Variants in GMDS observed in about 807,000 individuals in gnomAD.
GMDS encodes GDP-mannose 4,6-dehydratase.
A neutral mutation model predicts 49.9 loss-of-function variants in GMDS; 20 were observed. That is an observed-to-expected ratio of 0.40 (90% CI 0.28 to 0.58). The LOEUF (loss-of-function observed/expected upper bound fraction) is 0.58. Among genes scored for constraint, GMDS ranks in the 20% least tolerant of loss-of-function variants. The pLI is 0.42. For synonymous variants in GMDS, 177 were observed against 178.6 expected (o/e 0.99, Z 0.07); for missense variants, 362 against 481.4 (o/e 0.75, Z 2.32).
intron 8 of GMDS, among the ~76,000 whole-genome samples, chr6:1,736,788 G>A (rs1315028431): frequency 2.0e-5 from 3 of 152,200 alleles, no homozygotes; most frequent in Non-Finnish European, 2.9e-5. Flanking sequence ...ACCCTTAGAA[G>A]TATGGCTCAT....
At chr6:2,203,601 T>A (rs1364718787) in intron 1 of GMDS, among the ~76,000 whole-genome samples, 1 of 152,218 alleles carries the variant, frequency 6.6e-6, no homozygotes, top group African/African-American at 2.4e-5. Context: ...CCAGATTTTT[T>A]AAATAACTTT....
chr6:2,124,662 G>T, intron 2 of GMDS, 25 bp downstream of exon 2: 2 of 1,602,064 alleles, frequency 1.2e-6, no homozygotes. Flanking sequence ...ACCAGCCTGC[G>T]CCCGCTTCCC....
chr6:1,795,123 C>A (rs1242555173), intron 7 of GMDS, among the ~76,000 whole-genome samples: 1 of 152,156 alleles, frequency 6.6e-6, no homozygotes, highest in Admixed American at 6.5e-5. Context: ...TCACTTGAGT[C>A]CGGGAGGCAG....
intron 4 of GMDS, among the ~76,000 whole-genome samples, chr6:1,977,782 G>A (rs1764992123): frequency 6.6e-6 from 1 of 152,180 alleles, no homozygotes. Context: ...GTGAGCCCAT[G>A]CTACCAGGGC....
intron 8 of GMDS, 101 bp from the exon 9 acceptor site, chr6:1,726,613 C>G: frequency 1.2e-6 from 1 of 815,416 alleles, no homozygotes; most frequent in African/African-American, 1.7e-5. Flanking sequence ...CGCAGGAGCG[C>G]TTAAGCTCAT....
intron 7 of GMDS, among the ~76,000 whole-genome samples, chr6:1,860,455 G>T (rs1399806810): frequency 6.6e-6 from 1 of 152,176 alleles, no homozygotes; most frequent in African/African-American, 2.4e-5. Flanking sequence ...TATAAGGTGG[G>T]GGCTGGGGAG....
At chr6:1,647,202 A>C (rs904970666) in intron 9 of GMDS, among the ~76,000 whole-genome samples, 1 of 152,206 alleles carries the variant, frequency 6.6e-6, no homozygotes, top group African/African-American at 2.4e-5. Context: ...TGTGGCTTTA[A>C]AGTGGTTTCT....
At chr6:2,141,538 T>C (rs1014891753) in intron 1 of GMDS, among the ~76,000 whole-genome samples, 4 of 152,204 alleles carry the variant, frequency 2.6e-5, no homozygotes, top group African/African-American at 4.8e-5. Context: ...GCCCACCTCC[T>C]GAATTTCAGC....
intron 4 of GMDS, among the ~76,000 whole-genome samples, chr6:2,035,964 G>A (rs2127422040): frequency 6.6e-6 from 1 of 152,264 alleles, no homozygotes; most frequent in East Asian, 1.9e-4. Context: ...TGGGATTACA[G>A]GTATGAGCCA....
At chr6:2,242,644 A>G (rs910807181) in intron 1 of GMDS, among the ~76,000 whole-genome samples, 1 of 152,222 alleles carries the variant, frequency 6.6e-6, no homozygotes, top group African/African-American at 2.4e-5. Flanking sequence ...TCTCTGTCTC[A>G]TAAGGCTCAC....
chr6:2,206,803 G>T (rs1195935919), intron 1 of GMDS, among the ~76,000 whole-genome samples: 1 of 152,170 alleles, frequency 6.6e-6, no homozygotes, highest in East Asian at 1.9e-4. Context: ...GGGAACCACT[G>T]CTTTAAAGTA....
rs956635136 is a variant in GMDS, at chr6:2,193,493, G to C, written c.102+51828C>G. 2.6e-5 allele frequency among the ~76,000 whole-genome samples: 4 copies of C among 152,190 alleles called. No individual in the cohort carries two copies. The South Asian group carries it at 8.3e-4, about 32-fold the overall frequency. On this transcript the variant is annotated intron_variant, in intron 1 of 10. Transcript: ENST00000380815. ...TCTGAGCAGTTCCTCCACACCCTAG[G>C]CAGCAGGGTCTCCACATCTGAATAC...
In GMDS at chr6:2,069,114, G is replaced by A. The variant is rs372086544; in HGVS notation, c.345+46657C>T. 5.5e-3 allele frequency among the ~76,000 whole-genome samples: 834 copies of A among 152,078 alleles called. 4 individuals carry two copies. Among genetic ancestry groups the A allele is most frequent in the Non-Finnish European group, 9.3e-3 (632 of 67,976 alleles). On this transcript the variant is annotated intron_variant, in intron 4 of 10. Transcript: ENST00000380815. ...ACAGAGCCCTCAGGAATAACGTCGCGTATCTAAAACTATCTGATCTTTGAC... is the reference window on the plus strand; with the variant it reads ...ACAGAGCCCTCAGGAATAACGTCGCATATCTAAAACTATCTGATCTTTGAC...
chr6:1,839,558 T>C lies in GMDS; in HGVS notation c.771+90545A>G, dbSNP rs187628646. On this transcript the variant is annotated intron_variant, in intron 7 of 10. Coordinates refer to ENST00000380815, the MANE Select transcript of GMDS (RefSeq NM_001500.4). ...ATTTAACCCCTGACCCTTAAATATT[T>C]ACCAGCTTTTAAACTGGTTGTGTAC... is the stretch of plus-strand genomic sequence containing the variant. Among the ~76,000 whole-genome samples the C allele has an allele frequency of 3.3e-5, 5 of 152,346 alleles. No individual in the cohort carries two copies. The East Asian group carries it at 5.8e-4, about 18-fold the overall frequency.
At chr6:2,138,958 C>T (rs923685938) in intron 1 of GMDS, among the ~76,000 whole-genome samples, 20 of 152,318 alleles carry the variant, frequency 1.3e-4, no homozygotes, top group African/African-American at 4.6e-4. Flanking sequence ...TCTGTACTCA[C>T]TCCGCAACAG....
intron 7 of GMDS, among the ~76,000 whole-genome samples, chr6:1,809,063 A>G (rs953156348): frequency 6.6e-6 from 1 of 152,208 alleles, no homozygotes; most frequent in Non-Finnish European, 1.5e-5. Context: ...ACTTTCCATG[A>G]ACACATCTGG....
intron 9 of GMDS, among the ~76,000 whole-genome samples, chr6:1,693,125 G>C (rs1482280987): frequency 6.6e-6 from 1 of 152,196 alleles, no homozygotes; most frequent in African/African-American, 2.4e-5. Flanking sequence ...AGACCCTTCC[G>C]AACACCCTAC....
At chr6:1,994,574 G>C (rs1407816685) in intron 4 of GMDS, among the ~76,000 whole-genome samples, 1 of 152,094 alleles carries the variant, frequency 6.6e-6, no homozygotes. Context: ...AGGAACCCAT[G>C]ATATATCTGG....
chr6:1,761,020 A>C (rs1336103171), intron 7 of GMDS, among the ~76,000 whole-genome samples: 8 of 152,174 alleles, frequency 5.3e-5, no homozygotes, highest in African/African-American at 9.7e-5. Context: ...GTAACATTTG[A>C]GTGTAGTGAT....
Sources: gnomAD v4.1 joint callset for allele counts (sites outside exome capture counted in the v4.1 genomes callset) on GRCh38, gnomAD v4.1.1 for gene constraint, MANE v1.5 for transcripts, NCBI Gene and HGNC (gene_info 2026-07-23, HGNC 2026-07-21) for gene names.